Variants in AIF1L observed in about 807,000 individuals in gnomAD.
AIF1L encodes allograft inflammatory factor 1 like.
AIF1L carries 12 observed loss-of-function variants against 20.7 expected under a neutral mutation model. The ratio of observed to expected loss-of-function variants is 0.58; its 90% CI spans 0.37 to 0.94. The LOEUF (loss-of-function observed/expected upper bound fraction) is 0.94, where lower values mean the gene tolerates loss of function less well. Among genes scored for constraint, AIF1L ranks in the 40% least tolerant of loss-of-function variants. The pLI is 0.01. For synonymous variants in AIF1L, 76 were observed against 65.1 expected, an observed-to-expected ratio of 1.17 and a Z score of -0.81; for missense variants, 173 against 185.3, an observed-to-expected ratio of 0.93 and a Z score of 0.39.
At chr9:131,116,039 A>G (rs1023260182) in intron 4 of AIF1L, among the ~76,000 whole-genome samples, 1 of 151,952 alleles carries the variant, frequency 6.6e-6, no homozygotes, top group Non-Finnish European at 1.5e-5. Context: ...AAAATTGGGG[A>G]AACACAGCAA....
chr9:131,114,920 G>A (rs1388656322), intron 4 of AIF1L, among the ~76,000 whole-genome samples: 4 of 152,198 alleles, frequency 2.6e-5, no homozygotes, highest in South Asian at 2.1e-4. Context: ...GGGTGGACAG[G>A]CCCTGGGCCT....
intron 4 of AIF1L, 85 bp from the exon 5 acceptor site, chr9:131,117,669 TGG>T: frequency 7.0e-7 from 1 of 1,421,052 alleles, no homozygotes; most frequent in East Asian, 2.4e-5. Flanking sequence ...TTTCTAGGCG[TGG>T]GGTGCCTGAG....
chr9:131,114,081 A>G (rs1830953667), intron 3 of AIF1L: 1 of 179,122 alleles, frequency 5.6e-6, no homozygotes, highest in African/African-American at 2.3e-5. Flanking sequence ...TTTGTGGGCT[A>G]GGGCAGGCCT....
intron 2 of AIF1L, chr9:131,108,243 G>A (rs1465680111): frequency 3.5e-5 from 5 of 142,532 alleles, no homozygotes; most frequent in Admixed American, 2.2e-4. Flanking sequence ...TCTGTGGCCC[G>A]GGCTGGAATG....
At chr9:131,110,102 C>G (rs551211984) in intron 2 of AIF1L, among the ~76,000 whole-genome samples, 1 of 152,294 alleles carries the variant, frequency 6.6e-6, no homozygotes, top group South Asian at 2.1e-4. Context: ...GTCCCAGCTA[C>G]TCAGGAGGCT....
At position 131,117,821 on chromosome 9, in the gene AIF1L, A is replaced by C. The variant is rs1278729615; in HGVS notation, c.268A>C (p.Lys90Gln). 1.2e-6 allele frequency: 2 copies of C among 1,614,128 alleles called. No homozygotes were observed. The highest frequency in any genetic ancestry group is 3.3e-5 in the Admixed American group (2 of 60,010). ...GVPKTHLEMK[K>Q]MISEVTGGVS... Reference sequence around the variant, plus strand: ...CCCCAAGACCCACCTGGAGATGAAGAAGATGATCTCAGAGGTGACAGGAGG... The same window carrying C: ...CCCCAAGACCCACCTGGAGATGAAGCAGATGATCTCAGAGGTGACAGGAGG... Residue 90 changes from lysine to glutamine, a missense_variant, in exon 5 of 6, where the codon AAG (lysine) becomes CAG (glutamine). Lys to Gln is a moderately conservative substitution (Grantham distance 53, BLOSUM62 1). Coordinates refer to ENST00000247291, the MANE Select transcript of AIF1L (RefSeq NM_031426.4).
At chr9:131,098,383 C>A (rs567048700) in intron 2 of AIF1L, 1 of 152,530 alleles carries the variant, frequency 6.6e-6, no homozygotes, top group South Asian at 2.1e-4. Flanking sequence ...GGGCTCCTTC[C>A]CAGATCACTG....
At chr9:131,118,458 G>T (rs1338911339) in intron 5 of AIF1L, among the ~76,000 whole-genome samples, 1 of 151,820 alleles carries the variant, frequency 6.6e-6, no homozygotes, top group Non-Finnish European at 1.5e-5. Context: ...GGCAGAATCA[G>T]TACTCAGTAA....
chr9:131,118,608 A>G (rs1467639455), intron 5 of AIF1L, among the ~76,000 whole-genome samples: 1 of 144,072 alleles, frequency 6.9e-6, no homozygotes, highest in African/African-American at 2.6e-5. Context: ...GTGCAGTGAC[A>G]TGATCTCAGC....
Position 131,117,846 on chromosome 9 carries a change from G to T in AIF1L, c.293G>T (p.Gly98Val). 6.2e-7 allele frequency: 1 copy of T among 1,614,158 alleles called. No homozygotes were observed. ...MKKMISEVTG[G>V]VSDTISYRDF... ...AAGATGATCTCAGAGGTGACAGGAG[G>T]GGTCAGTGACACTATATCCTACCGA... The change falls in exon 5 of 6, where the codon GGG becomes GTG. Residue 98 changes from glycine to valine, a missense_variant. Coordinates refer to ENST00000247291, the MANE Select transcript of AIF1L (RefSeq NM_031426.4).
At chr9:131,116,906 C>T (rs996480451) in intron 4 of AIF1L, among the ~76,000 whole-genome samples, 11 of 152,262 alleles carry the variant, frequency 7.2e-5, no homozygotes, top group African/African-American at 2.7e-4. Context: ...CATCCTGGCA[C>T]CTTTGGGCCT....
intron 2 of AIF1L, among the ~76,000 whole-genome samples, chr9:131,110,914 C>A (rs62583163): frequency 0.24 from 36,249 of 151,664 alleles, 4,857 homozygotes; most frequent in African/African-American, 0.35. Context: ...GTAATCCCAG[C>A]ACTTTGGGAG....
Position 131,120,311 on chromosome 9 carries a change from A to G in AIF1L, c.442A>G (p.Ser148Gly), listed in dbSNP as rs778077647. ...CCCCCCTCCAGAGAGAGACATTGCT[A>G]GCCTGCCCTGAGGACCCCGCCTGGA... is the stretch of plus-strand genomic sequence containing the variant. ...VGPPPERDIA[S>G]LP The change falls in exon 6 of 6, where the codon AGC (serine) becomes GGC (glycine). Residue 148 changes from serine (S) to glycine (G), a missense_variant. Coordinates refer to ENST00000247291, the MANE Select transcript of AIF1L (RefSeq NM_031426.4). 2 of 1,612,976 alleles carry G rather than the reference A, an allele frequency of 1.2e-6. No homozygotes were observed. Among genetic ancestry groups the G allele is most frequent in the Admixed American group, 3.3e-5 (2 of 59,820 alleles).
At chr9:131,100,683 A>G (rs1044550335) in intron 2 of AIF1L, among the ~76,000 whole-genome samples, 1 of 152,174 alleles carries the variant, frequency 6.6e-6, no homozygotes, top group African/African-American at 2.4e-5. Flanking sequence ...GCATTCCCCG[A>G]GCCCTGATGG....
chr9:131,101,070 G>C (rs968288063), intron 2 of AIF1L, among the ~76,000 whole-genome samples: 3 of 149,320 alleles, frequency 2.0e-5, no homozygotes, highest in Non-Finnish European at 4.5e-5. Context: ...GCTAATTTTT[G>C]TATTTTTAGT....
chr9:131,098,508 GCCAC>G (rs1485457221), intron 2 of AIF1L, among the ~76,000 whole-genome samples: 1 of 152,124 alleles, frequency 6.6e-6, no homozygotes, highest in Non-Finnish European at 1.5e-5. Flanking sequence ...GCTGGCTGGA[GCCAC>G]CCACAGCCAG....
intron 2 of AIF1L, among the ~76,000 whole-genome samples, chr9:131,100,588 TTGTA>T (rs1204940710): frequency 6.6e-6 from 1 of 152,236 alleles, no homozygotes; most frequent in Non-Finnish European, 1.5e-5. Context: ...TGCTGTGTGT[TTGTA>T]TGTGCACGCA....
chr9:131,117,760 G>C lies in AIF1L; in HGVS notation c.207G>C (p.Leu69=). ...GATCTGCTTTTCCCCCGGCAGACCT[G>C]ATGTCTTTAAAGAGGATGATGGAGA... The part of the protein sequence containing the change: ...FDLNNEGEID[L]MSLKRMMEKL... Residue 69 remains leucine, a synonymous_variant, in exon 5 of 6, where the codon CTG becomes CTC. Transcript: ENST00000247291. 6.2e-7 allele frequency: 1 copy of C among 1,609,658 alleles called. No individual in the cohort carries two copies. The highest frequency in any genetic ancestry group is 8.5e-7 in the Non-Finnish European group (1 of 1,178,266).
intron 2 of AIF1L, among the ~76,000 whole-genome samples, chr9:131,097,068 G>A (rs1170605609): frequency 1.3e-5 from 2 of 151,096 alleles, no homozygotes; most frequent in Admixed American, 6.6e-5. Context: ...CTCCGGTCTC[G>A]GGTTGCAAGT....
Sources: gnomAD v4.1 joint callset for allele counts (sites outside exome capture counted in the v4.1 genomes callset) on GRCh38, gnomAD v4.1.1 for gene constraint, MANE v1.5 for transcripts, NCBI Gene and HGNC (gene_info 2026-07-23, HGNC 2026-07-21) for gene names.